Variants in TGFA observed in about 807,000 individuals in gnomAD.
TGFA encodes transforming growth factor alpha.
Under a neutral mutation model 21.7 loss-of-function variants are expected in TGFA, and 12 were observed. The ratio of observed to expected loss-of-function variants is 0.55; its 90% CI spans 0.35 to 0.90. The LOEUF (loss-of-function observed/expected upper bound fraction) is 0.90, where lower values mean the gene tolerates loss of function less well. TGFA is among the 40% of genes least tolerant of loss of function. TGFA has a pLI of 0.01. For synonymous variants in TGFA, 79 were observed against 88.1 expected, an observed-to-expected ratio of 0.90 and a Z score of 0.58; for missense variants, 178 against 210.8, an observed-to-expected ratio of 0.84 and a Z score of 0.96.
intron 2 of TGFA, among the ~76,000 whole-genome samples, chr2:70,504,459 TATATACAC>T (rs1271709976): frequency 6.7e-5 from 5 of 74,352 alleles, no homozygotes; most frequent in African/African-American, 5.0e-4. Flanking sequence ...TATATATATA[TATATACAC>T]ACATACATAC....
intron 2 of TGFA, among the ~76,000 whole-genome samples, chr2:70,508,973 A>AG (rs1553500591): frequency 6.6e-6 from 1 of 152,252 alleles, no homozygotes; most frequent in East Asian, 1.9e-4. Context: ...TTGCAAAAAA[A>AG]GTAGAAGGTG....
rs1487603421 is a variant in TGFA, at chr2:70,448,424, G to T, written c.*2435C>A. On this transcript the variant is annotated 3_prime_UTR_variant, in exon 6 of 6. Coordinates refer to ENST00000295400, the MANE Select transcript of TGFA (RefSeq NM_003236.4). ...AGCTTACCAGGTCAGGATGTTAAAT[G>T]ATTCTCTAATTGTAGTGAACAATTC... 6.6e-6 allele frequency: 1 copy of T among 152,168 alleles called. No homozygotes were observed. Among genetic ancestry groups the T allele is most frequent in the Non-Finnish European group, 1.5e-5 (1 of 68,032 alleles). The allele number at this position is 152,168 out of a possible 1,614,324, so 9.4% of individuals were successfully genotyped here.
At chr2:70,485,573 C>G (rs947635262) in intron 2 of TGFA, among the ~76,000 whole-genome samples, 1 of 152,142 alleles carries the variant, frequency 6.6e-6, no homozygotes, top group Non-Finnish European at 1.5e-5. Context: ...GACTGAGAAT[C>G]AATCCAAAGG....
chr2:70,464,204 C>T lies in TGFA; in HGVS notation c.215+1412G>A, dbSNP rs117521598. ...GCCTTAAGCATCATGGCTAAGAACT[C>T]AGCTTCAGGAGCCAAAGAGGCTGGC... On this transcript the variant is annotated intron_variant, in intron 3 of 5. Transcript: ENST00000295400. Among the ~76,000 whole-genome samples the T allele has an allele frequency of 4.3e-3, 660 of 152,362 alleles. 8 individuals are homozygous for T. In the East Asian group the frequency reaches 0.056, roughly 13 times the overall value.
At chr2:70,504,445 TATATATATATATATATATAC>T (rs199800372) in intron 2 of TGFA, among the ~76,000 whole-genome samples, 9 of 66,180 alleles carry the variant, frequency 1.4e-4, no homozygotes, top group African/African-American at 5.4e-4. Context: ...TATATATATA[TATATATATATATATATATAC>T]ACACATACAT....
At chr2:70,539,350 C>A (rs184513315) in intron 1 of TGFA, among the ~76,000 whole-genome samples, 2 of 152,082 alleles carry the variant, frequency 1.3e-5, no homozygotes, top group Admixed American at 1.3e-4. Context: ...GGAACTCATA[C>A]CTATCCCTCT....
rs1670911469 is a variant in TGFA, at chr2:70,476,018, C to T, written c.95-10282G>A. 3.5e-5 allele frequency among the ~76,000 whole-genome samples: 5 copies of T among 142,842 alleles called. No homozygotes were observed. In the Admixed American group the frequency reaches 3.8e-4, roughly 11 times the overall value. 93.7% of individuals were successfully genotyped at this position (142,842 alleles called of 152,430 possible). A position where few individuals can be genotyped will look rare whatever the true frequency, so the allele number is the denominator to read the frequency against. On this transcript the variant is annotated intron_variant, in intron 2 of 5. Transcript: ENST00000295400. ...AAGCTCCTCTTCCTCCTCATGACCC[C>T]ATTTCTCCAGCTCCCAGGTTGCTTC...
chr2:70,447,791 C>A lies in TGFA; in HGVS notation c.*3068G>T, dbSNP rs1384898284. ...CTTGGTTTTGGGCATTTGAGTCATT[C>A]CTCCTTCTGTGACTGGGCAGGTTGG... On this transcript the variant is annotated 3_prime_UTR_variant, in exon 6 of 6. Transcript: ENST00000295400. 6.6e-6 allele frequency: 1 copy of A among 152,152 alleles called. No homozygotes were observed. The highest frequency in any genetic ancestry group is 1.9e-4 in the East Asian group (1 of 5,184). 9.4% of individuals were successfully genotyped at this position (152,152 alleles called of 1,614,324 possible).
At chr2:70,466,412 CAGG>C (rs782425194) in intron 2 of TGFA, among the ~76,000 whole-genome samples, 36 of 152,126 alleles carry the variant, frequency 2.4e-4, no homozygotes, top group Non-Finnish European at 4.6e-4. Context: ...GAGGCTGAGG[CAGG>C]AGAATGGCGA....
chr2:70,465,911 G>A (rs547545675), intron 2 of TGFA, among the ~76,000 whole-genome samples, 175 bp from the exon 3 acceptor site: 2 of 152,306 alleles, frequency 1.3e-5, no homozygotes, highest in Admixed American at 1.3e-4. Flanking sequence ...GACAGGCCTA[G>A]AGCTCCTGTA....
intron 2 of TGFA, among the ~76,000 whole-genome samples, chr2:70,471,656 G>A (rs879963993): frequency 2.0e-5 from 3 of 152,196 alleles, no homozygotes; most frequent in Non-Finnish European, 4.4e-5. Context: ...TGAAGGTAGG[G>A]GAGGGCAGGG....
In TGFA at chr2:70,450,867, C is replaced by T; in HGVS notation, c.476-1G>A. 1 of 1,609,156 alleles carries T rather than the reference C, an allele frequency of 6.2e-7. No homozygotes were observed. The highest frequency in any genetic ancestry group is 8.5e-7 in the Non-Finnish European group (1 of 1,177,498). ...CTCCTCCTCTGGGCTCTTCAGACCA[C>T]TGGCAGGAAGGAAAAACAGGTTAAG... On this transcript the variant is annotated splice_acceptor_variant, in intron 5 of 5. Coordinates refer to ENST00000295400, the MANE Select transcript of TGFA (RefSeq NM_003236.4). LOFTEE classifies it high-confidence loss of function.
chr2:70,460,935 C>T (rs536086660), intron 3 of TGFA, among the ~76,000 whole-genome samples: 8 of 152,244 alleles, frequency 5.3e-5, no homozygotes, highest in Non-Finnish European at 1.2e-4. Context: ...GTATTACATC[C>T]TTAAAATGTG....
rs3836154 is a variant in TGFA, at chr2:70,471,109, A to AC, written c.95-5374dup. On this transcript the variant is annotated intron_variant, in intron 2 of 5. Transcript: ENST00000295400. ...CTGTTACGTGCATTCTCCTCCCCGC[A>AC]CCCCCCCCACCATATAACCAAACTT... 9.0e-3 allele frequency among the ~76,000 whole-genome samples: 967 copies of AC among 107,098 alleles called. 14 individuals carry two copies. Among genetic ancestry groups the AC allele is most frequent in the South Asian group, 0.018 (58 of 3,228 alleles). 70.3% of individuals were successfully genotyped at this position (107,098 alleles called of 152,430 possible).
At chr2:70,472,334 G>A (rs561155679) in intron 2 of TGFA, among the ~76,000 whole-genome samples, 6 of 152,054 alleles carry the variant, frequency 3.9e-5, no homozygotes, top group Non-Finnish European at 5.9e-5. Flanking sequence ...ACCTCATATC[G>A]AGCCCACCAG....
At chr2:70,514,119 A>T (rs903219353) in intron 2 of TGFA, among the ~76,000 whole-genome samples, 1 of 152,188 alleles carries the variant, frequency 6.6e-6, no homozygotes, top group Non-Finnish European at 1.5e-5. Context: ...TAAATCACCC[A>T]TGTTCACTTT....
At chr2:70,460,609 G>A (rs1670378733) in intron 3 of TGFA, among the ~76,000 whole-genome samples, 1 of 152,186 alleles carries the variant, frequency 6.6e-6, no homozygotes, top group African/African-American at 2.4e-5. Context: ...AAGGGCACGT[G>A]TATTGGGCTC....
At chr2:70,545,880 A>G (rs1485071737) in intron 1 of TGFA, among the ~76,000 whole-genome samples, 1 of 152,232 alleles carries the variant, frequency 6.6e-6, no homozygotes, top group Admixed American at 6.5e-5. Flanking sequence ...CTTCTCATAT[A>G]AAGTGTTATT....
intron 1 of TGFA, among the ~76,000 whole-genome samples, chr2:70,546,780 C>G (rs1465834367): frequency 6.6e-6 from 1 of 152,050 alleles, no homozygotes; most frequent in Non-Finnish European, 1.5e-5. Flanking sequence ...GTCTTGAACT[C>G]CTGGGCTCAA....
Sources: gnomAD v4.1 joint callset for allele counts (sites outside exome capture counted in the v4.1 genomes callset) on GRCh38, gnomAD v4.1.1 for gene constraint, MANE v1.5 for transcripts, NCBI Gene and HGNC (gene_info 2026-07-23, HGNC 2026-07-21) for gene names.